Variants in SSPN observed in about 807,000 individuals in gnomAD.
SSPN encodes K-ras oncogene-associated protein.
SSPN carries 15 observed loss-of-function variants against 19.1 expected under a neutral mutation model. The ratio of observed to expected loss-of-function variants is 0.78; its 90% CI spans 0.52 to 1.21. SSPN has a LOEUF of 1.21. SSPN is among the 50% of genes most tolerant of loss of function. The pLI is 0.00. For missense variants in SSPN, 291 were observed against 314.0 expected, an observed-to-expected ratio of 0.93 and a Z score of 0.55; for synonymous variants, 147 against 140.3, an observed-to-expected ratio of 1.05 and a Z score of -0.34.
At chr12:26,229,837 A>G (rs912450785) in intron 2 of SSPN, among the ~76,000 whole-genome samples, 5 of 152,204 alleles carry the variant, frequency 3.3e-5, no homozygotes, top group African/African-American at 1.2e-4. Context: ...TTCTTGTTCC[A>G]TAGATTTTAT....
chr12:26,169,344 T>A (rs890977754), intron 1 of SSPN, among the ~76,000 whole-genome samples: 1 of 152,184 alleles, frequency 6.6e-6, no homozygotes, highest in East Asian at 1.9e-4. Flanking sequence ...AATATCCTAA[T>A]GAGATTGTCT....
chr12:26,192,571 A>C (rs570371660), upstream of SSPN, among the ~76,000 whole-genome samples: 1 of 152,340 alleles, frequency 6.6e-6, no homozygotes. Flanking sequence ...ATATCAATTA[A>C]GTGAAAATGA....
intron 1 of SSPN, among the ~76,000 whole-genome samples, chr12:26,165,133 C>G (rs1944612879): frequency 6.6e-6 from 1 of 152,114 alleles, no homozygotes; most frequent in Non-Finnish European, 1.5e-5. Flanking sequence ...TTCTGAACTT[C>G]TAGATGGAAT....
upstream of SSPN, among the ~76,000 whole-genome samples, chr12:26,191,312 A>G (rs1944786180): frequency 6.6e-6 from 1 of 152,222 alleles, no homozygotes; most frequent in South Asian, 2.1e-4. Flanking sequence ...TATCACCTCT[A>G]TAGCCCTCCA....
At chr12:26,208,310 T>G (rs1295089224) in intron 1 of SSPN, among the ~76,000 whole-genome samples, 2 of 152,194 alleles carry the variant, frequency 1.3e-5, no homozygotes, top group African/African-American at 2.4e-5. Flanking sequence ...CTATCTTATT[T>G]GTGTGCAATG....
At chr12:26,151,437 T>C (rs1344758090) in intron 1 of SSPN, among the ~76,000 whole-genome samples, 1 of 152,192 alleles carries the variant, frequency 6.6e-6, no homozygotes, top group African/African-American at 2.4e-5. Context: ...CCAGCACAAC[T>C]GCCCCCTTAA....
At chr12:26,141,188 T>G (rs1944458573) in intron 1 of SSPN, among the ~76,000 whole-genome samples, 1 of 152,142 alleles carries the variant, frequency 6.6e-6, no homozygotes. Context: ...AAAGGATGTT[T>G]ATAAGTGGAA....
intron 1 of SSPN, among the ~76,000 whole-genome samples, chr12:26,128,465 TA>T (rs879658659): frequency 6.6e-6 from 1 of 152,254 alleles, no homozygotes; most frequent in Non-Finnish European, 1.5e-5. Flanking sequence ...AAGTACAGTT[TA>T]GAAAAGGCTG....
At chr12:26,121,991 A>T (rs1944309428) in exon 1 of SSPN, 1 of 1,541,234 alleles carries the variant, frequency 6.5e-7, no homozygotes, top group African/African-American at 1.4e-5. Flanking sequence ...TTAACTTCTC[A>T]CTCTGCTTGA....
At chr12:26,138,547 G>A (rs1375380109) in intron 1 of SSPN, among the ~76,000 whole-genome samples, 1 of 152,134 alleles carries the variant, frequency 6.6e-6, no homozygotes, top group African/African-American at 2.4e-5. Context: ...TTATTGAGCA[G>A]TTAAAATTGC....
At chr12:26,185,459 A>G (rs374957689) in intron 1 of SSPN, among the ~76,000 whole-genome samples, 169 of 152,258 alleles carry the variant, frequency 1.1e-3, no homozygotes, top group African/African-American at 4.0e-3. Flanking sequence ...AGGGTTGGGT[A>G]TTTAGTCGGT....
chr12:26,194,960 A>C (rs183142410), upstream of SSPN, among the ~76,000 whole-genome samples: 1 of 152,352 alleles, frequency 6.6e-6, no homozygotes, highest in African/African-American at 2.4e-5. Context: ...AATGCACTCC[A>C]GCCTGGGCAA....
chr12:26,135,013 T>G (rs1407314614), intron 1 of SSPN: 1 of 152,318 alleles, frequency 6.6e-6, no homozygotes, highest in African/African-American at 2.4e-5. Context: ...CAGTAAGCTC[T>G]GCTCCCTAGC....
At position 26,195,893 on chromosome 12, in the gene SSPN, T is replaced by A. The variant is rs778940426; in HGVS notation, c.221T>A (p.Met74Lys). 8.2e-6 allele frequency: 13 copies of A among 1,578,234 alleles called. No individual in the cohort carries two copies. In the South Asian group the frequency reaches 1.5e-4, roughly 18 times the overall value. ...GCCGTGACCGTGGTGGGCTTCCTCA[T>A]GGCGAGCATCAGCTCCTCCCTGCTA... ...GIAVTVVGFL[M>K]ASISSSLLVR... is the part of the protein sequence containing the mutation. The change falls in exon 1 of 3, where the codon ATG becomes AAG. Residue 74 changes from methionine (M) to lysine (K), a missense_variant. This residue lies in a region of SSPN where 139 missense variants were observed against 119.6 expected (regional missense o/e 1.16). Transcript: ENST00000242729.
intron 1 of SSPN, among the ~76,000 whole-genome samples, chr12:26,201,011 G>GTATATATA (rs869035319): frequency 1.6e-4 from 12 of 76,038 alleles, no homozygotes; most frequent in African/African-American, 5.6e-4. Context: ...GTTAATTTGT[G>GTATATATA]TATATATATA....
intron 1 of SSPN, among the ~76,000 whole-genome samples, chr12:26,207,068 A>G (rs1304541159): frequency 6.6e-6 from 1 of 152,206 alleles, no homozygotes; most frequent in Non-Finnish European, 1.5e-5. Context: ...GAAGAACATG[A>G]TGAACCCTCA....
At chr12:26,193,284 G>A (rs1221776461), upstream of SSPN, among the ~76,000 whole-genome samples, 1 of 152,152 alleles carries the variant, frequency 6.6e-6, no homozygotes, top group Non-Finnish European at 1.5e-5. Context: ...ATTGGCTTTG[G>A]AGTTCACATC....
chr12:26,178,774 C>T (rs1042553785), intron 1 of SSPN, among the ~76,000 whole-genome samples: 6 of 152,150 alleles, frequency 3.9e-5, no homozygotes, highest in African/African-American at 1.4e-4. Context: ...TGGTCTGTTC[C>T]CCCAGCAAGA....
intron 1 of SSPN, among the ~76,000 whole-genome samples, chr12:26,127,030 C>T (rs1380443419): frequency 1.3e-5 from 2 of 152,072 alleles, no homozygotes; most frequent in East Asian, 1.9e-4. Context: ...ATCATTTTTA[C>T]CTCTTTTTAA....
Sources: allele counts gnomAD v4.1 joint callset (sites outside exome capture counted in the v4.1 genomes callset), GRCh38; gene constraint gnomAD v4.1.1; regional missense constraint gnomAD v4.1.1; transcripts MANE v1.5; gene names NCBI Gene and HGNC (gene_info 2026-07-23, HGNC 2026-07-21).